The following ST6GALNAC3 variants were observed in gnomAD, a reference collection of about 807,000 sequenced individuals.
ST6GALNAC3 encodes alpha-N-acetylgalactosaminide alpha-2,6-sialyltransferase 3.
A neutral mutation model predicts 32.7 loss-of-function variants in ST6GALNAC3; 25 were observed. That is an observed-to-expected ratio of 0.76 (90% CI 0.56 to 1.07). The LOEUF (loss-of-function observed/expected upper bound fraction) is 1.07. Ranked by LOEUF, ST6GALNAC3 falls within the 50% of genes least tolerant of loss-of-function variation. The pLI is 0.00. For synonymous variants in ST6GALNAC3, 129 were observed against 133.1 expected (o/e 0.97, Z 0.21); for missense variants, 355 against 382.4 (o/e 0.93, Z 0.60).
At chr1:76,339,335 G>A (rs886844789) in intron 2 of ST6GALNAC3, among the ~76,000 whole-genome samples, 1 of 152,166 alleles carries the variant, frequency 6.6e-6, no homozygotes, top group Admixed American at 6.5e-5. Context: ...TGCTGATCTT[G>A]AAGATGGAGT....
At chr1:76,105,833 A>AAT (rs1184482194) in intron 1 of ST6GALNAC3, among the ~76,000 whole-genome samples, 3 of 152,246 alleles carry the variant, frequency 2.0e-5, no homozygotes, top group Non-Finnish European at 4.4e-5. Context: ...CATTTAAAAA[A>AAT]ATATTGTACA....
At chr1:76,549,516 C>T (rs1362419195) in intron 3 of ST6GALNAC3, among the ~76,000 whole-genome samples, 4 of 151,778 alleles carry the variant, frequency 2.6e-5, no homozygotes, top group Non-Finnish European at 4.4e-5. Flanking sequence ...TGTTTAACTA[C>T]ATTTTTGCAT....
intron 1 of ST6GALNAC3, among the ~76,000 whole-genome samples, chr1:76,104,512 T>C (rs1392741578): frequency 1.3e-5 from 2 of 152,238 alleles, no homozygotes; most frequent in East Asian, 3.9e-4. Flanking sequence ...CAAATCTTTA[T>C]TTCCTTGGCT....
intron 3 of ST6GALNAC3, among the ~76,000 whole-genome samples, chr1:76,582,213 G>T (rs955625803): frequency 2.6e-5 from 4 of 152,114 alleles, no homozygotes; most frequent in African/African-American, 9.7e-5. Context: ...TTAGATTTTA[G>T]TAGAACTTAA....
intron 2 of ST6GALNAC3, among the ~76,000 whole-genome samples, chr1:76,331,300 G>A (rs1203490689): frequency 3.3e-5 from 5 of 152,160 alleles, no homozygotes; most frequent in Non-Finnish European, 2.9e-5. Context: ...TGGCTTATGA[G>A]GAGAAGCTTA....
intron 3 of ST6GALNAC3, among the ~76,000 whole-genome samples, chr1:76,544,715 G>C (rs1015570709): frequency 8.5e-5 from 13 of 152,158 alleles, no homozygotes; most frequent in Admixed American, 7.2e-4. Flanking sequence ...GAAGATACAG[G>C]TGTCAGAAGA....
chr1:76,571,377 A>G (rs1665848930), intron 3 of ST6GALNAC3, among the ~76,000 whole-genome samples: 2 of 151,964 alleles, frequency 1.3e-5, no homozygotes, highest in African/African-American at 4.8e-5. Flanking sequence ...GTATCCACCT[A>G]CTTTTTTTAA....
intron 2 of ST6GALNAC3, among the ~76,000 whole-genome samples, chr1:76,398,141 A>C (rs1239388050): frequency 1.4e-5 from 2 of 142,400 alleles, no homozygotes; most frequent in African/African-American, 2.5e-5. Context: ...ATTCCACGAG[A>C]TGTTAATTGA....
chr1:76,246,246 G>T (rs2100682968), intron 1 of ST6GALNAC3, among the ~76,000 whole-genome samples: 1 of 151,864 alleles, frequency 6.6e-6, no homozygotes, highest in Non-Finnish European at 1.5e-5. Context: ...TTTTTTTTGG[G>T]CTTTCCATTT....
At chr1:76,373,788 G>T (rs1651009179) in intron 2 of ST6GALNAC3, among the ~76,000 whole-genome samples, 1 of 152,168 alleles carries the variant, frequency 6.6e-6, no homozygotes, top group South Asian at 2.1e-4. Flanking sequence ...CAAGCTAAGA[G>T]AAATAAATGT....
intron 1 of ST6GALNAC3, among the ~76,000 whole-genome samples, chr1:76,286,354 T>G (rs1238464013): frequency 6.6e-6 from 1 of 152,184 alleles, no homozygotes; most frequent in Non-Finnish European, 1.5e-5. Flanking sequence ...TTATACCCAG[T>G]AATGATGTGT....
intron 1 of ST6GALNAC3, among the ~76,000 whole-genome samples, chr1:76,173,937 A>G (rs929017981): frequency 6.6e-6 from 1 of 152,212 alleles, no homozygotes; most frequent in Non-Finnish European, 1.5e-5. Flanking sequence ...GTGATTCCTC[A>G]ATGATCTAGA....
At chr1:76,505,961 A>T (rs1344319540) in intron 3 of ST6GALNAC3, among the ~76,000 whole-genome samples, 2 of 152,192 alleles carry the variant, frequency 1.3e-5, no homozygotes, top group Non-Finnish European at 2.9e-5. Flanking sequence ...CAGAGAAAAA[A>T]AAAGATGAAA....
chr1:76,416,034 AACACACACACACAC>A (rs60710007), intron 3 of ST6GALNAC3, among the ~76,000 whole-genome samples: 130 of 144,428 alleles, frequency 9.0e-4, no homozygotes, highest in African/African-American at 2.9e-3. Context: ...TTTATTCCAC[AACACACACACACAC>A]ACACACACAC....
At chr1:76,227,295 T>A (rs895035309) in intron 1 of ST6GALNAC3, among the ~76,000 whole-genome samples, 3 of 152,168 alleles carry the variant, frequency 2.0e-5, no homozygotes, top group Admixed American at 6.5e-5. Context: ...AATGTCAGCC[T>A]TTTCTGGTCC....
intron 3 of ST6GALNAC3, chr1:76,412,976 A>G (rs771733056): frequency 2.8e-5 from 10 of 362,848 alleles, no homozygotes; most frequent in South Asian, 2.2e-4. Flanking sequence ...TAAAATCATT[A>G]GCAGTTGAAT....
rs200275065 is a variant in ST6GALNAC3, at chr1:76,391,081, G to C, written c.214-20927G>C. ...CAGCCTCCCGAGTAGCTGGGACTACGGGCGCCCACCACCACGCAAGGCTAA... is the reference window on the plus strand; with the variant it reads ...CAGCCTCCCGAGTAGCTGGGACTACCGGCGCCCACCACCACGCAAGGCTAA... On this transcript the variant is annotated intron_variant, in intron 2 of 4. Transcript: ENST00000328299. Among the ~76,000 whole-genome samples, 244 of 150,460 alleles carry C rather than the reference G, an allele frequency of 1.6e-3. 1 individual carries two copies. The highest frequency in any genetic ancestry group is 5.8e-3 in the African/African-American group (238 of 41,220).
chr1:76,256,506 T>G (rs1657927448), intron 1 of ST6GALNAC3, among the ~76,000 whole-genome samples: 1 of 152,160 alleles, frequency 6.6e-6, no homozygotes, highest in African/African-American at 2.4e-5. Flanking sequence ...AGTGGCACCC[T>G]ACTGCTTCCA....
At chr1:76,200,191 C>T (rs1160027236) in intron 1 of ST6GALNAC3, among the ~76,000 whole-genome samples, 7 of 152,156 alleles carry the variant, frequency 4.6e-5, no homozygotes, top group Non-Finnish European at 1.0e-4. Flanking sequence ...TTCTGATCAG[C>T]ACCTGCATCT....
Sources: allele counts gnomAD v4.1 joint callset (sites outside exome capture counted in the v4.1 genomes callset), GRCh38; gene constraint gnomAD v4.1.1; transcripts MANE v1.5; gene names NCBI Gene and HGNC (gene_info 2026-07-23, HGNC 2026-07-21).